MYL10: variants seen among roughly 807,000 people sequenced by gnomAD.
MYL10 encodes myosin light chain 10.
MYL10 carries 18 observed loss-of-function variants against 21.9 expected under a neutral mutation model. The ratio of observed to expected loss-of-function variants is 0.82; its 90% confidence interval spans 0.57 to 1.22. The LOEUF is 1.22. MYL10 is among the 50% of genes most tolerant of loss of function. The pLI, the probability that MYL10 is intolerant of heterozygous loss-of-function variation, is 0.00. For synonymous variants in MYL10, 88 were observed against 82.8 expected, an observed-to-expected ratio of 1.06 and a Z score of -0.34; for missense variants, 225 against 230.4, an observed-to-expected ratio of 0.98 and a Z score of 0.15.
At chr7:101,622,295 C>A in intron 4 of MYL10, 95 bp from the exon 5 acceptor site, 2 of 923,634 alleles carry the variant, frequency 2.2e-6, no homozygotes, top group Non-Finnish European at 3.2e-6. Context: ...AGCTGCTCCA[C>A]GTGCCCCCCA....
intron 6 of MYL10, among the ~76,000 whole-genome samples, chr7:101,615,551 GC>G (rs1404774669): frequency 6.8e-6 from 1 of 146,238 alleles, no homozygotes; most frequent in Non-Finnish European, 1.5e-5. Context: ...CACATGCCAA[GC>G]CCTGGCCCTC....
intron 5 of MYL10, among the ~76,000 whole-genome samples, chr7:101,619,693 T>C (rs1796653401): frequency 6.6e-6 from 1 of 151,486 alleles, no homozygotes; most frequent in African/African-American, 2.4e-5. Context: ...ATCGAGACCA[T>C]CCTGGCTAAC....
At chr7:101,616,443 A>C in intron 5 of MYL10, 145 bp from the exon 6 acceptor site, 1 of 624,654 alleles carries the variant, frequency 1.6e-6, no homozygotes, top group Admixed American at 3.0e-5. Context: ...TTCTTCCCCA[A>C]CTTTCACTGC....
chr7:101,621,262 C>T (rs2130739926), intron 5 of MYL10, among the ~76,000 whole-genome samples: 1 of 152,288 alleles, frequency 6.6e-6, no homozygotes, highest in East Asian at 1.9e-4. Context: ...GTTGAGGTTG[C>T]ATCCCGGCCA....
At position 101,629,011 on chromosome 7, in the gene MYL10, G is replaced by A. The variant is rs186796464; in HGVS notation, c.78+30C>T. The A allele has an allele frequency of 4.3e-4, 195 of 452,018 alleles. 1 individual carries two copies. The highest frequency in any genetic ancestry group is 3.5e-3 in the African/African-American group (176 of 49,868). 28.0% of individuals were successfully genotyped at this position (452,018 alleles called of 1,614,324 possible). On this transcript the variant is annotated intron_variant, in intron 1 of 7. Transcript: ENST00000223167. ...ACTCACCCAAGGCAGATAAGAAGTGGGGCCAGAGGCCAGGCACAGTGGCTC... is the reference window on the plus strand; with the variant it reads ...ACTCACCCAAGGCAGATAAGAAGTGAGGCCAGAGGCCAGGCACAGTGGCTC...
At chr7:101,613,796 G>A (rs536643003) in intron 6 of MYL10, 86 bp from the exon 7 acceptor site, 11 of 1,259,870 alleles carry the variant, frequency 8.7e-6, no homozygotes, top group Non-Finnish European at 1.3e-5. Flanking sequence ...AGGGGCAAGT[G>A]GGGGCAGGGG....
rs915783877 is a variant in MYL10 at position 101,625,369 on chromosome 7, G to A, written c.79-1105C>T. Among the ~76,000 whole-genome samples the A allele has an allele frequency of 2.6e-5, 4 of 152,354 alleles. No individual in the cohort carries two copies. The South Asian group carries it at 8.3e-4, about 32-fold the overall frequency. On this transcript the variant is annotated intron_variant, in intron 1 of 7. Coordinates refer to ENST00000223167, the MANE Select transcript of MYL10 (RefSeq NM_138403.5). ...AGAATGGGCTCTCGATGGGGGAAAA[G>A]AATTGCTGGATTCCAGACGGGGAGG...
At chr7:101,613,622 A>T (rs1344013345) in intron 7 of MYL10, 40 bp downstream of exon 7, 1 of 1,613,746 alleles carries the variant, frequency 6.2e-7, no homozygotes. Flanking sequence ...TGGGGGCCAG[A>T]GCAGAGAATC....
chr7:101,616,108 G>GC (rs1312337437), intron 6 of MYL10, 112 bp downstream of exon 6: 8 of 805,352 alleles, frequency 9.9e-6, no homozygotes, highest in Admixed American at 2.1e-5. Flanking sequence ...CTGGGCAGCG[G>GC]CCCCCCAGCT....
intron 5 of MYL10, among the ~76,000 whole-genome samples, chr7:101,617,445 T>C (rs965255438): frequency 1.3e-5 from 2 of 152,200 alleles, no homozygotes; most frequent in Non-Finnish European, 2.9e-5. Context: ...CTTGCCCAAG[T>C]CCCCACTGAT....
In MYL10 at chr7:101,629,104, C is replaced by G; in HGVS notation, c.15G>C (p.Leu5=). 2 of 374,930 alleles carry G rather than the reference C, an allele frequency of 5.3e-6. No homozygotes were observed. The highest frequency in any genetic ancestry group is 1.0e-5 in the Non-Finnish European group (2 of 190,578). The allele number at this position is 374,930 out of a possible 1,614,324, so 23.2% of individuals were successfully genotyped here. ...TCACTTGAGGCCAGGAGTTTGAGAC[C>G]AGCCTAAGCAACATGGTGAAACTCT... MLLR[L]VSNSWPQVIL... is the part of the protein sequence containing the mutation. The change falls in exon 1 of 8, where the codon CTG becomes CTC. Residue 5 remains leucine (L), a synonymous_variant. Transcript: ENST00000223167.
At chr7:101,619,580 T>C (rs1796652122) in intron 5 of MYL10, among the ~76,000 whole-genome samples, 1 of 152,060 alleles carries the variant, frequency 6.6e-6, no homozygotes, top group South Asian at 2.1e-4. Context: ...GACTGAATGG[T>C]GGCCCCTAAA....
chr7:101,623,591 A>G (rs1002444258), intron 3 of MYL10, among the ~76,000 whole-genome samples: 1 of 147,392 alleles, frequency 6.8e-6, no homozygotes, highest in Non-Finnish European at 1.5e-5. Context: ...GCTACTCAGG[A>G]GGCTGAGGTG....
chr7:101,618,328 C>T (rs1288457233), intron 5 of MYL10, among the ~76,000 whole-genome samples: 1 of 152,160 alleles, frequency 6.6e-6, no homozygotes, highest in Non-Finnish European at 1.5e-5. Flanking sequence ...GGTTGAGTGA[C>T]CAGAGCATCA....
chr7:101,626,228 G>C (rs1796744558), intron 1 of MYL10, among the ~76,000 whole-genome samples: 1 of 152,170 alleles, frequency 6.6e-6, no homozygotes, highest in Non-Finnish European at 1.5e-5. Flanking sequence ...AAAACCTAGA[G>C]CAGGTCAACC....
chr7:101,622,266 C>T, intron 4 of MYL10, 66 bp from the exon 5 acceptor site: 1 of 1,255,100 alleles, frequency 8.0e-7, no homozygotes, highest in Non-Finnish European at 1.1e-6. Context: ...TCGGAGGATC[C>T]CACAAAGCCT....
At chr7:101,619,075 C>T (rs1254618408) in intron 5 of MYL10, among the ~76,000 whole-genome samples, 2 of 152,164 alleles carry the variant, frequency 1.3e-5, no homozygotes, top group Admixed American at 6.5e-5. Flanking sequence ...GGCCCTGGGC[C>T]GTCCACCCTG....
At chr7:101,625,571 C>T (rs1167829316) in intron 1 of MYL10, among the ~76,000 whole-genome samples, 3 of 151,942 alleles carry the variant, frequency 2.0e-5, no homozygotes, top group Non-Finnish European at 4.4e-5. Flanking sequence ...CAGCTCACTG[C>T]TGTCCCCACC....
chr7:101,617,336 C>T (rs896738577), intron 5 of MYL10, among the ~76,000 whole-genome samples: 1 of 152,228 alleles, frequency 6.6e-6, no homozygotes, highest in African/African-American at 2.4e-5. Context: ...ATGCCTGCAG[C>T]TTTAAGATTT....
Sources: gnomAD v4.1 joint callset for allele counts (sites outside exome capture counted in the v4.1 genomes callset) on GRCh38, gnomAD v4.1.1 for gene constraint, MANE v1.5 for transcripts, NCBI Gene and HGNC (gene_info 2026-07-23, HGNC 2026-07-21) for gene names.